Variants in NRXN1 observed in about 807,000 individuals in gnomAD.
NRXN1 encodes neurexin 1.
Under a neutral mutation model 150.9 loss-of-function variants are expected in NRXN1, and 39 were observed. The ratio of observed to expected loss-of-function variants is 0.26; its 90% CI spans 0.20 to 0.34. The LOEUF (loss-of-function observed/expected upper bound fraction) is 0.34. Ranked by LOEUF, NRXN1 falls within the 10% of genes least tolerant of loss-of-function variation. The probability of loss-of-function intolerance (pLI) is 1.00; values close to 1 mark genes in which losing one functional copy is unlikely to be tolerated. For synonymous variants in NRXN1, 924 were observed against 757.0 expected (o/e 1.22, Z -3.62); for missense variants, 1,815 against 1,949.9 (o/e 0.93, Z 1.30).
intron 21 of NRXN1, among the ~76,000 whole-genome samples, chr2:49,998,736 C>T (rs1305266367): frequency 6.6e-6 from 1 of 152,078 alleles, no homozygotes; most frequent in Non-Finnish European, 1.5e-5. Flanking sequence ...CGCTGCGATA[C>T]ACAGAGACCC....
At chr2:50,295,686 T>C (rs1678458758) in intron 17 of NRXN1, among the ~76,000 whole-genome samples, 1 of 152,214 alleles carries the variant, frequency 6.6e-6, no homozygotes, top group Admixed American at 6.5e-5. Context: ...TTGGGACATT[T>C]GCAGACTGAT....
At chr2:50,382,095 G>A (rs577772825) in intron 17 of NRXN1, among the ~76,000 whole-genome samples, 1 of 149,134 alleles carries the variant, frequency 6.7e-6, no homozygotes, top group African/African-American at 2.4e-5. Flanking sequence ...AGGAGAACTA[G>A]TTTAAAAGGA....
chr2:50,655,585 A>C (rs1686317529), intron 5 of NRXN1, among the ~76,000 whole-genome samples: 1 of 151,912 alleles, frequency 6.6e-6, no homozygotes, highest in Non-Finnish European at 1.5e-5. Context: ...TTTAAGAGCT[A>C]CATCTGGCAT....
At chr2:50,982,704 A>G (rs1193822175) in intron 2 of NRXN1, among the ~76,000 whole-genome samples, 1 of 152,136 alleles carries the variant, frequency 6.6e-6, no homozygotes, top group Admixed American at 6.5e-5. Context: ...GACTACAAAG[A>G]TGTTGAAAAT....
rs3046671 is a variant in NRXN1, at chr2:50,086,821, T to TGAGAGAGAGA, written c.3718+4492_3718+4501dup. 2.7e-3 allele frequency among the ~76,000 whole-genome samples: 384 copies of TGAGAGAGAGA among 142,830 alleles called. 3 individuals are homozygous for TGAGAGAGAGA. The highest frequency in any genetic ancestry group is 8.2e-3 in the African/African-American group (315 of 38,508). 93.7% of individuals were successfully genotyped at this position (142,830 alleles called of 152,430 possible). A position where few individuals can be genotyped will look rare whatever the true frequency, so the allele number is the denominator to read the frequency against. On this transcript the variant is annotated intron_variant, in intron 19 of 22. Transcript: ENST00000401669. ...AGAGAGGGGGAGAGGCAGAGAAGAA[T>TGAGAGAGAGA]GAGAGAGAGAGAGAGAGAGAGAGAG...
At chr2:50,380,041 C>T (rs2080836153) in intron 17 of NRXN1, among the ~76,000 whole-genome samples, 1 of 152,014 alleles carries the variant, frequency 6.6e-6, no homozygotes, top group Non-Finnish European at 1.5e-5. Context: ...TGAGAAAGAT[C>T]TTTATTTAAC....
intron 12 of NRXN1, among the ~76,000 whole-genome samples, chr2:50,521,419 A>G (rs571595529): frequency 1.4e-3 from 215 of 152,324 alleles, no homozygotes; most frequent in African/African-American, 5.0e-3. Context: ...AAACAATCCA[A>G]TTTTAAGTAC....
At chr2:50,385,673 A>G (rs1322726928) in intron 17 of NRXN1, among the ~76,000 whole-genome samples, 2 of 152,242 alleles carry the variant, frequency 1.3e-5, no homozygotes, top group East Asian at 3.9e-4. Flanking sequence ...TTGTTCTCAC[A>G]CAGCCTAAGA....
chr2:50,048,663 A>G (rs1254673931), intron 21 of NRXN1, among the ~76,000 whole-genome samples: 1 of 152,174 alleles, frequency 6.6e-6, no homozygotes, highest in East Asian at 1.9e-4. Context: ...GTTCTTTTTC[A>G]GAAAACCCAA....
chr2:50,013,599 G>A (rs183432162), intron 21 of NRXN1, among the ~76,000 whole-genome samples: 1 of 152,204 alleles, frequency 6.6e-6, no homozygotes, highest in Non-Finnish European at 1.5e-5. Context: ...AGAGTCTTAT[G>A]GATGAAATAA....
chr2:50,613,125 A>G (rs1315807581), intron 8 of NRXN1, among the ~76,000 whole-genome samples: 1 of 152,206 alleles, frequency 6.6e-6, no homozygotes, highest in Non-Finnish European at 1.5e-5. Context: ...CAAAACTATC[A>G]TCTTCCATGT....
At chr2:50,067,340 A>G (rs1289130208) in intron 19 of NRXN1, among the ~76,000 whole-genome samples, 1 of 152,200 alleles carries the variant, frequency 6.6e-6, no homozygotes, top group Non-Finnish European at 1.5e-5. Context: ...AGCTACTTAC[A>G]TTCAAAAATT....
chr2:50,011,786 A>G (rs1009773361), intron 21 of NRXN1, among the ~76,000 whole-genome samples: 1 of 152,090 alleles, frequency 6.6e-6, no homozygotes, highest in Non-Finnish European at 1.5e-5. Context: ...GGAGAAAAAT[A>G]GTCAAAGAAG....
At chr2:49,936,195 A>T (rs1670995560) in intron 22 of NRXN1, among the ~76,000 whole-genome samples, 1 of 152,208 alleles carries the variant, frequency 6.6e-6, no homozygotes, top group Admixed American at 6.5e-5. Flanking sequence ...CACTTAGCAA[A>T]CTCACTTATA....
chr2:50,390,244 G>A (rs2081597360), intron 17 of NRXN1, among the ~76,000 whole-genome samples: 1 of 152,052 alleles, frequency 6.6e-6, no homozygotes, highest in Non-Finnish European at 1.5e-5. Context: ...GGGTGTTACA[G>A]GAAATAGGAG....
At chr2:49,960,918 G>C (rs1675826044) in intron 21 of NRXN1, among the ~76,000 whole-genome samples, 2 of 152,022 alleles carry the variant, frequency 1.3e-5, no homozygotes, top group African/African-American at 4.8e-5. Flanking sequence ...TACTATAATT[G>C]GGTAAGTTTT....
intron 5 of NRXN1, chr2:50,739,168 C>A: frequency 2.9e-6 from 1 of 346,634 alleles, no homozygotes; most frequent in South Asian, 2.3e-5. Flanking sequence ...GTCAAAAATT[C>A]TTACAAATCC....
chr2:50,729,725 G>A (rs1275421194), intron 5 of NRXN1, among the ~76,000 whole-genome samples: 1 of 152,132 alleles, frequency 6.6e-6, no homozygotes, highest in African/African-American at 2.4e-5. Context: ...GGGTAGAGTT[G>A]CTATCTGACA....
chr2:50,787,203 C>T (rs1277164378), intron 5 of NRXN1, among the ~76,000 whole-genome samples: 2 of 152,048 alleles, frequency 1.3e-5, no homozygotes, highest in African/African-American at 4.8e-5. Context: ...TCCAACTCTA[C>T]CCTGAAATAT....
Sources: gnomAD v4.1 joint callset for allele counts (sites outside exome capture counted in the v4.1 genomes callset) on GRCh38, gnomAD v4.1.1 for gene constraint, MANE v1.5 for transcripts, NCBI Gene and HGNC (gene_info 2026-07-23, HGNC 2026-07-21) for gene names.